RMDN2: variants seen among roughly 807,000 people sequenced by gnomAD.
The protein encoded by RMDN2 is regulator of microtubule dynamics protein 2.
Under a neutral mutation model 52.8 loss-of-function variants are expected in RMDN2, and 61 were observed. The observed-to-expected ratio is 1.16, with a 90% CI of 0.94 to 1.43. The LOEUF is 1.43. Ranked by LOEUF, RMDN2 falls within the 40% of genes most tolerant of loss-of-function variation. RMDN2 has a pLI of 0.00. For missense variants in RMDN2, 592 were observed against 475.3 expected, an observed-to-expected ratio of 1.25 and a Z score of -2.28; for synonymous variants, 180 against 153.1, an observed-to-expected ratio of 1.18 and a Z score of -1.30.
chr2:37,942,179 C>T (rs771259372), intron 2 of RMDN2, among the ~76,000 whole-genome samples: 3 of 152,144 alleles, frequency 2.0e-5, no homozygotes, highest in Non-Finnish European at 4.4e-5. Flanking sequence ...CCTTGCACTT[C>T]CTGGGTGAGG....
chr2:37,992,284 C>G (rs555471196), intron 7 of RMDN2, among the ~76,000 whole-genome samples: 1 of 152,064 alleles, frequency 6.6e-6, no homozygotes, highest in Non-Finnish European at 1.5e-5. Context: ...GTGTTACGTA[C>G]GAAGAAAACT....
downstream of RMDN2, among the ~76,000 whole-genome samples, chr2:38,020,848 C>T (rs1558563290): frequency 6.6e-6 from 1 of 152,162 alleles, no homozygotes; most frequent in Non-Finnish European, 1.5e-5. Flanking sequence ...CCACCCCCTG[C>T]TCCACGGTGC....
chr2:37,995,955 G>T (rs558241067), intron 7 of RMDN2, among the ~76,000 whole-genome samples: 1 of 152,180 alleles, frequency 6.6e-6, no homozygotes, highest in South Asian at 2.1e-4. Flanking sequence ...TTATTAGATT[G>T]CTGTGGAAAC....
chr2:38,042,520 C>T lies in RMDN2; in HGVS notation c.1714-24462C>T, dbSNP rs867663790. On this transcript the variant is annotated intron_variant, in intron 10 of 10. Coordinates refer to the RMDN2 transcript ENST00000234195. ...TCTAACAGCAGTTTTGGTTTCTACT[C>T]TAATTTTTTTTTTCTGCTTTCTTCC... Among the ~76,000 whole-genome samples the T allele has an allele frequency of 4.0e-5, 6 of 151,800 alleles. No homozygotes were observed. The South Asian group carries it at 1.0e-3, about 26-fold the overall frequency.
chr2:38,028,677 C>T (rs1023096968), intron 10 of RMDN2, among the ~76,000 whole-genome samples: 1 of 152,170 alleles, frequency 6.6e-6, no homozygotes, highest in Admixed American at 6.5e-5. Flanking sequence ...CCCGCTGCAG[C>T]CCCTGGGCCA....
chr2:37,942,263 C>T (rs886102379), intron 2 of RMDN2, among the ~76,000 whole-genome samples: 1 of 152,130 alleles, frequency 6.6e-6, no homozygotes, highest in Non-Finnish European at 1.5e-5. Context: ...TGAGATGCAC[C>T]AGGTACCTCA....
intron 2 of RMDN2, among the ~76,000 whole-genome samples, chr2:37,956,136 C>T (rs1460729207): frequency 6.6e-6 from 1 of 152,168 alleles, no homozygotes; most frequent in African/African-American, 2.4e-5. Flanking sequence ...GTTAATTGTT[C>T]TCCAGATGTT....
chr2:38,033,871 A>G (rs980605284), intron 10 of RMDN2, among the ~76,000 whole-genome samples: 3 of 152,330 alleles, frequency 2.0e-5, no homozygotes, highest in East Asian at 1.9e-4. Context: ...CCTGGGAATT[A>G]TCTTTACGGA....
intron 2 of RMDN2, among the ~76,000 whole-genome samples, chr2:37,972,081 A>C (rs891405632): frequency 6.6e-6 from 1 of 152,128 alleles, no homozygotes; most frequent in Non-Finnish European, 1.5e-5. Context: ...TGTTAGATTT[A>C]TTCCTAGCCA....
intron 2 of RMDN2, among the ~76,000 whole-genome samples, chr2:37,936,701 G>T (rs1482535610): frequency 6.6e-6 from 1 of 152,164 alleles, no homozygotes; most frequent in Non-Finnish European, 1.5e-5. Context: ...CTTTTGAAAA[G>T]TGTCTGTTTA....
intron 2 of RMDN2, chr2:37,951,945 G>C (rs375825575): frequency 1.2e-6 from 2 of 1,613,430 alleles, no homozygotes; most frequent in East Asian, 2.2e-5. Context: ...ATTATGTAAA[G>C]ATTTAAAAGA....
At chr2:38,064,380 C>T (rs753932229) in intron 10 of RMDN2, among the ~76,000 whole-genome samples, 6 of 151,922 alleles carry the variant, frequency 3.9e-5, no homozygotes, top group African/African-American at 4.8e-5. Flanking sequence ...GTCCCAGCTA[C>T]TCGGGGGGCT....
intron 10 of RMDN2, among the ~76,000 whole-genome samples, chr2:38,008,571 C>T (rs1464845836): frequency 6.6e-6 from 1 of 152,164 alleles, no homozygotes; most frequent in Non-Finnish European, 1.5e-5. Context: ...AGATCTTCCT[C>T]CATCCCTTTA....
chr2:37,951,664 G>A lies in RMDN2; in HGVS notation c.452+21935G>A, dbSNP rs769302943. On this transcript the variant is annotated intron_variant, in intron 2 of 10. Coordinates refer to ENST00000354545, the MANE Select transcript of RMDN2 (RefSeq NM_001170791.3). ...ATTTTTTTTGATCCTCAAGCAAGTG[G>A]CCAGAATGTGTTTAATCTAAATGAA... 4.3e-6 allele frequency: 7 copies of A among 1,613,252 alleles called. No individual in the cohort carries two copies. The highest frequency in any genetic ancestry group is 5.9e-6 in the Non-Finnish European group (7 of 1,179,666).
At chr2:37,979,137 A>G (rs1672969352) in intron 4 of RMDN2, among the ~76,000 whole-genome samples, 1 of 152,248 alleles carries the variant, frequency 6.6e-6, no homozygotes, top group Non-Finnish European at 1.5e-5. Flanking sequence ...AGATATTGAA[A>G]TAAAAGTAAA....
intron 3 of RMDN2, chr2:37,974,632 C>T (rs1414639237): frequency 1.8e-5 from 2 of 113,206 alleles, no homozygotes; most frequent in African/African-American, 8.7e-5. Context: ...GCTCTTACCA[C>T]CACCACTAAA....
At chr2:37,926,380 G>T (rs1666278421) in intron 1 of RMDN2, among the ~76,000 whole-genome samples, 1 of 152,108 alleles carries the variant, frequency 6.6e-6, no homozygotes, top group Admixed American at 6.5e-5. Context: ...TTTCTTTAGA[G>T]TCAACATTTT....
chr2:38,021,659 A>G (rs1159017369), downstream of RMDN2, among the ~76,000 whole-genome samples: 4 of 152,200 alleles, frequency 2.6e-5, no homozygotes, highest in Non-Finnish European at 5.9e-5. Context: ...GAGACCAAGA[A>G]CCCACCAATT....
At chr2:38,003,864 A>G in intron 8 of RMDN2, 127 bp from the exon 9 acceptor site, 4 of 725,374 alleles carry the variant, frequency 5.5e-6, no homozygotes, top group Non-Finnish European at 9.5e-6. Context: ...ATGTGAAACA[A>G]CCAACCTAAA....
Sources: gnomAD v4.1 joint callset for allele counts (sites outside exome capture counted in the v4.1 genomes callset) on GRCh38, gnomAD v4.1.1 for gene constraint, MANE v1.5 for transcripts, NCBI Gene and HGNC (gene_info 2026-07-23, HGNC 2026-07-21) for gene names.